The following BDH1 variants were observed in gnomAD, a reference collection of about 807,000 sequenced individuals.
BDH1 encodes D-beta-hydroxybutyrate dehydrogenase, mitochondrial.
Under a neutral mutation model 33.1 loss-of-function variants are expected in BDH1, and 30 were observed. The ratio of observed to expected loss-of-function variants is 0.91; its 90% CI spans 0.68 to 1.23. The LOEUF is 1.23. Ranked by LOEUF, BDH1 falls within the 50% of genes most tolerant of loss-of-function variation. The probability of loss-of-function intolerance (pLI) is 0.00; values close to 1 mark genes in which losing one functional copy is unlikely to be tolerated. For synonymous variants in BDH1, 190 were observed against 183.6 expected (o/e 1.03, Z -0.28); for missense variants, 443 against 464.4 (o/e 0.95, Z 0.42).
intron 1 of BDH1, among the ~76,000 whole-genome samples, chr3:197,572,534 C>T (rs1469159941): frequency 1.3e-5 from 2 of 152,192 alleles, no homozygotes; most frequent in Non-Finnish European, 2.9e-5. Flanking sequence ...CCCAGTTCAT[C>T]TGCATCTCAT....
intron 1 of BDH1, among the ~76,000 whole-genome samples, chr3:197,570,031 T>A (rs1365355085): frequency 6.6e-6 from 1 of 152,204 alleles, no homozygotes; most frequent in Non-Finnish European, 1.5e-5. Context: ...GACAATGATA[T>A]GGACAATGAA....
rs541788037 is a variant in BDH1 at position 197,525,220 on chromosome 3, G to A, written c.268-2439C>T. ...CGGCACACAGGTACCAGGAAAACAC[G>A]TGTCTTGCTTTAATGCAGTCTTCCA... On this transcript the variant is annotated intron_variant, in intron 5 of 7. Transcript: ENST00000392379. This position sits in a 1 kb window ranked among gnomAD's most constrained non-coding sequence, Gnocchi z 4.9. Among the ~76,000 whole-genome samples, 7 of 152,200 alleles carry A rather than the reference G, an allele frequency of 4.6e-5. No individual in the cohort carries two copies. The highest frequency in any genetic ancestry group is 7.3e-5 in the Non-Finnish European group (5 of 68,038).
intron 2 of BDH1, among the ~76,000 whole-genome samples, chr3:197,550,634 C>T (rs1716482109): frequency 6.6e-6 from 1 of 152,060 alleles, no homozygotes; most frequent in South Asian, 2.1e-4. Context: ...AATGGCGCTG[C>T]TGGAGGACGG....
intron 5 of BDH1, chr3:197,529,723 T>C (rs1456886679): frequency 6.6e-6 from 1 of 152,210 alleles, no homozygotes; most frequent in Non-Finnish European, 1.5e-5. Flanking sequence ...CCAGATGGAA[T>C]GATGTTTAGA....
At chr3:197,571,456 T>G (rs1232532799) in intron 1 of BDH1, among the ~76,000 whole-genome samples, 1 of 152,218 alleles carries the variant, frequency 6.6e-6, no homozygotes, top group Non-Finnish European at 1.5e-5. Context: ...CTACCATAAT[T>G]CCCATGTGTT....
intron 6 of BDH1, among the ~76,000 whole-genome samples, chr3:197,517,045 C>T (rs1171707751): frequency 6.6e-6 from 1 of 152,086 alleles, no homozygotes; most frequent in Non-Finnish European, 1.5e-5. Flanking sequence ...CAGGCTGTTG[C>T]TGGTTTCCTC....
At chr3:197,568,776 C>T (rs1031030763) in intron 1 of BDH1, among the ~76,000 whole-genome samples, 2 of 151,770 alleles carry the variant, frequency 1.3e-5, no homozygotes, top group African/African-American at 2.4e-5. Context: ...AAAAAAACAC[C>T]TCTGCCCATC....
At position 197,548,983 on chromosome 3, in the gene BDH1, A is replaced by G. The variant is rs143073695; in HGVS notation, c.-43-2497T>C. 4.0e-4 allele frequency among the ~76,000 whole-genome samples: 61 copies of G among 152,318 alleles called. No homozygotes were observed. The East Asian group carries it at 0.011, about 27-fold the overall frequency. ...AGCTATTTCCACTGCAGGGCTCCCA[A>G]AGACTCTTCAGGGTAGCTGTCTGCC... On this transcript the variant is annotated intron_variant, in intron 2 of 7. Transcript: ENST00000392379.
rs759907880 is a variant in BDH1, at chr3:197,514,222, G to A, written c.562+42C>T. ...CATTCTGAGCAAAGATGAACACGTG[G>A]GGCAGGTTCAGGGGCAGGAGGGAGC... On this transcript the variant is annotated intron_variant, in intron 7 of 7. Coordinates refer to ENST00000392379, the MANE Select transcript of BDH1 (RefSeq NM_203314.3). The surrounding 1 kb of genome is among the most constrained non-coding windows in gnomAD (Gnocchi z 4.2). 3.8e-6 allele frequency: 6 copies of A among 1,583,450 alleles called. No individual in the cohort carries two copies. The highest frequency in any genetic ancestry group is 1.1e-5 in the South Asian group (1 of 87,104).
Position 197,546,403 on chromosome 3 carries a change from G to T in BDH1, c.41C>A (p.Pro14Gln). 2 of 1,614,110 alleles carry T rather than the reference G, an allele frequency of 1.2e-6. No individual in the cohort carries two copies. The highest frequency in any genetic ancestry group is 1.7e-6 in the Non-Finnish European group (2 of 1,180,000). The change falls in exon 3 of 8, where the codon CCA becomes CAA. Residue 14 changes from proline to glutamine, a missense_variant. Physicochemically the swap from Pro to Gln is moderately conservative, Grantham distance 76 (BLOSUM62 -1). Coordinates refer to ENST00000392379, the MANE Select transcript of BDH1 (RefSeq NM_203314.3). ...TRLSRPLSRL[P>Q]GKTLSACDRE... ...ATCACAGGCACTTAGGGTTTTTCCT[G>T]GGAGCCGTGACAGGGGTCTGGAGAG...
At chr3:197,559,144 T>C (rs1046448835), upstream of BDH1, among the ~76,000 whole-genome samples, 3 of 151,544 alleles carry the variant, frequency 2.0e-5, no homozygotes, top group African/African-American at 7.3e-5. Flanking sequence ...CTGGGACAGG[T>C]GCCCGCCACC....
rs552867948 is a variant in BDH1, at chr3:197,541,064, CT to C, written c.83+5296del. Among the ~76,000 whole-genome samples the C allele has an allele frequency of 7.6e-4, 116 of 152,318 alleles. 1 individual carries two copies. Among genetic ancestry groups the C allele is most frequent in the Admixed American group, 5.4e-3 (82 of 15,300 alleles). Reference sequence around the variant, plus strand: ...CTCATCCTACTCTAATTCCTCTTCCCTCAATTTGCAGCTCTTACAGTCGCTG... The same window carrying C: ...CTCATCCTACTCTAATTCCTCTTCCCCAATTTGCAGCTCTTACAGTCGCTG... On this transcript the variant is annotated intron_variant, in intron 3 of 7. Coordinates refer to ENST00000392379, the MANE Select transcript of BDH1 (RefSeq NM_203314.3).
intron 3 of BDH1, chr3:197,538,326 C>A (rs543057129): frequency 2.2e-6 from 1 of 456,214 alleles, no homozygotes; most frequent in South Asian, 1.5e-5. Flanking sequence ...TACCATTTGA[C>A]GCCATTCAAA....
At chr3:197,548,886 C>T (rs6768543) in intron 2 of BDH1, among the ~76,000 whole-genome samples, 3 of 134,110 alleles carry the variant, frequency 2.2e-5, no homozygotes, top group Non-Finnish European at 5.2e-5. Context: ...AAAAAAAACA[C>T]AAAAAACTCA....
intron 5 of BDH1, among the ~76,000 whole-genome samples, chr3:197,530,910 G>A (rs1488217335): frequency 1.3e-5 from 2 of 152,156 alleles, no homozygotes; most frequent in South Asian, 2.1e-4. Context: ...AGGGAATAAC[G>A]CTACTTTGAT....
In BDH1 at chr3:197,522,935, T is replaced by G. The variant is rs1713714511; in HGVS notation, c.268-154A>C. 1 of 769,610 alleles carries G rather than the reference T, an allele frequency of 1.3e-6. No individual in the cohort carries two copies. The highest frequency in any genetic ancestry group is 1.8e-5 in the African/African-American group (1 of 56,946). 47.7% of individuals were successfully genotyped at this position (769,610 alleles called of 1,614,324 possible). On this transcript the variant is annotated intron_variant, in intron 5 of 7. Coordinates refer to ENST00000392379, the MANE Select transcript of BDH1 (RefSeq NM_203314.3). This position sits in a 1 kb window ranked among gnomAD's most constrained non-coding sequence, Gnocchi z 4.8. ...ATGGGCCTGGCCCACCAGCATGCGG[T>G]TCTTTTTAATCCTGAGCACTGATGA...
intron 1 of BDH1, among the ~76,000 whole-genome samples, chr3:197,564,838 C>T (rs540733964): frequency 6.6e-6 from 1 of 152,296 alleles, no homozygotes; most frequent in Non-Finnish European, 1.5e-5. Context: ...GAAGTTATAG[C>T]TTATGGTCAA....
upstream of BDH1, among the ~76,000 whole-genome samples, chr3:197,560,900 T>C (rs1717239082): frequency 6.6e-6 from 1 of 152,196 alleles, no homozygotes; most frequent in African/African-American, 2.4e-5. Flanking sequence ...CTCACCTACT[T>C]GTGACCTGGA....
rs71164295 is a variant in BDH1 at position 197,542,521 on chromosome 3, C to CTTTTTTTTTTTTTTTTT, written c.83+3823_83+3839dup. On this transcript the variant is annotated intron_variant, in intron 3 of 7. Transcript: ENST00000392379. ...GTCAACACGCTTTCTTTCTTGCTTG[C>CTTTTTTTTTTTTTTTTT]TTTTTTTTTTTTTTTTTTTGAGACG... 1.6e-4 allele frequency among the ~76,000 whole-genome samples: 17 copies of CTTTTTTTTTTTTTTTTT among 106,422 alleles called. 1 individual carries two copies. Among genetic ancestry groups the CTTTTTTTTTTTTTTTTT allele is most frequent in the African/African-American group, 5.5e-4 (13 of 23,446 alleles). 69.8% of individuals were successfully genotyped at this position (106,422 alleles called of 152,430 possible). A position where few individuals can be genotyped will look rare whatever the true frequency, so the allele number is the denominator to read the frequency against.
Sources: allele counts gnomAD v4.1 joint callset (sites outside exome capture counted in the v4.1 genomes callset), GRCh38; gene constraint gnomAD v4.1.1; non-coding constraint Gnocchi (gnomAD v3.1); transcripts MANE v1.5; gene names NCBI Gene and HGNC (gene_info 2026-07-23, HGNC 2026-07-21).